CEP192: variants seen among roughly 807,000 people sequenced by gnomAD.
CEP192 encodes centrosomal protein of 192 kDa.
Under a neutral mutation model 271.8 loss-of-function variants are expected in CEP192, and 151 were observed. The observed-to-expected ratio is 0.56, with a 90% CI of 0.49 to 0.64. CEP192 has a LOEUF of 0.64. CEP192 is among the 30% of genes least tolerant of loss of function. The pLI is 0.00. For synonymous variants in CEP192, 995 were observed against 1,076.5 expected (o/e 0.92, Z 1.48); for missense variants, 2,910 against 3,020.5 (o/e 0.96, Z 0.86).
Position 13,082,545 on chromosome 18 carries a change from A to G in CEP192, c.5617-4472A>G, listed in dbSNP as rs1379900306. 2.0e-5 allele frequency among the ~76,000 whole-genome samples: 3 copies of G among 148,772 alleles called. No homozygotes were observed. The Admixed American group carries it at 2.0e-4, about 10-fold the overall frequency. On this transcript the variant is annotated intron_variant, in intron 30 of 44. Coordinates refer to ENST00000506447, the MANE Select transcript of CEP192 (RefSeq NM_032142.4). ...CACGTGAGATGGGTCTCCTGAATAG[A>G]GCACACTGATGGTTCTTGACTCTTT...
At chr18:13,045,120 A>G (rs560684179) in intron 15 of CEP192, among the ~76,000 whole-genome samples, 2 of 151,988 alleles carry the variant, frequency 1.3e-5, no homozygotes, top group Admixed American at 6.5e-5. Flanking sequence ...TCTATAATTG[A>G]CTGTTTTCCC....
intron 15 of CEP192, among the ~76,000 whole-genome samples, chr18:13,045,230 C>G (rs2036412012): frequency 6.6e-6 from 1 of 151,784 alleles, no homozygotes. Context: ...ATTTTCTGGT[C>G]TTCATTTCTT....
chr18:13,015,466 G>A lies in CEP192; in HGVS notation c.640+18G>A. 6.5e-7 allele frequency: 1 copy of A among 1,549,598 alleles called. No individual in the cohort carries two copies. Among genetic ancestry groups the A allele is most frequent in the Non-Finnish European group, 8.7e-7 (1 of 1,146,106 alleles). On this transcript the variant is annotated intron_variant, in intron 6 of 44. Transcript: ENST00000506447. Reference sequence around the variant, plus strand: ...TTCTTCTGGTACTGCAGAGTAACCTGTGTTTCCCTGGTCTTCACCTTGCCA... The same window carrying A: ...TTCTTCTGGTACTGCAGAGTAACCTATGTTTCCCTGGTCTTCACCTTGCCA...
intron 36 of CEP192, among the ~76,000 whole-genome samples, chr18:13,098,327 C>T (rs1376587267): frequency 2.6e-5 from 4 of 152,086 alleles, no homozygotes; most frequent in East Asian, 3.9e-4. Context: ...GGGCTGACCC[C>T]CACCTCCCTC....
intron 6 of CEP192, among the ~76,000 whole-genome samples, chr18:13,016,737 C>G (rs182284433): frequency 6.6e-6 from 1 of 152,234 alleles, no homozygotes; most frequent in East Asian, 1.9e-4. Context: ...GCTTGCTGAG[C>G]TGGGTGTTAC....
At chr18:13,087,504 C>A in intron 31 of CEP192, 27 bp from the exon 32 acceptor site, 1 of 1,149,920 alleles carries the variant, frequency 8.7e-7, no homozygotes, top group South Asian at 1.4e-5. Flanking sequence ...TTAATATTTA[C>A]TCCTGATTTT....
chr18:13,082,567 CTT>C (rs1428960280), intron 30 of CEP192, among the ~76,000 whole-genome samples: 2 of 150,074 alleles, frequency 1.3e-5, no homozygotes, highest in Admixed American at 6.7e-5. Context: ...GTTCTTGACT[CTT>C]TATCCAATTT....
intron 40 of CEP192, among the ~76,000 whole-genome samples, chr18:13,107,977 G>C (rs145300076): frequency 0.03 from 4,553 of 149,810 alleles, 90 homozygotes; most frequent in Middle Eastern, 0.096. Flanking sequence ...ACAGAATAGA[G>C]AACCCAGAAA....
chr18:12,998,264 C>T (rs1309267021), intron 1 of CEP192, among the ~76,000 whole-genome samples: 3 of 152,176 alleles, frequency 2.0e-5, no homozygotes, highest in Non-Finnish European at 2.9e-5. Context: ...CTTTCCAACA[C>T]ACCGTTTCAG....
Position 13,067,688 on chromosome 18 carries a change from G to T in CEP192, c.4489-143G>T, listed in dbSNP as rs978893202. 4.1e-5 allele frequency: 25 copies of T among 602,486 alleles called. 1 individual carries two copies. The highest frequency in any genetic ancestry group is 4.0e-4 in the African/African-American group (22 of 54,476). 37.3% of individuals were successfully genotyped at this position (602,486 alleles called of 1,614,324 possible). ...TTATTTTTGTAGAAAATAAGCAATT[G>T]TTAAATAGCCTGGGAAAATGTAGGT... On this transcript the variant is annotated intron_variant, in intron 21 of 44. Coordinates refer to ENST00000506447, the MANE Select transcript of CEP192 (RefSeq NM_032142.4).
chr18:13,116,493 T>A lies in CEP192; in HGVS notation c.7406T>A (p.Ile2469Asn). 5.6e-6 allele frequency: 9 copies of A among 1,604,036 alleles called. No homozygotes were observed. The highest frequency in any genetic ancestry group is 7.6e-6 in the Non-Finnish European group (9 of 1,176,836). ...LKVNLRNNSF[I>N]THSLKFLSPR... Reference sequence around the variant, plus strand: ...GTCAATCTGCGAAATAATTCTTTTATTACACACTCAGTAAGTTGGAAATAT... The same window carrying A: ...GTCAATCTGCGAAATAATTCTTTTAATACACACTCAGTAAGTTGGAAATAT... Residue 2469 changes from isoleucine (I) to asparagine (N), a missense_variant, in exon 43 of 45, where the codon ATT becomes AAT. Ile to Asn is a moderately radical substitution (Grantham distance 149). Coordinates refer to ENST00000506447, the MANE Select transcript of CEP192 (RefSeq NM_032142.4).
At chr18:13,011,918 A>G (rs2034382488) in intron 4 of CEP192, among the ~76,000 whole-genome samples, 1 of 152,252 alleles carries the variant, frequency 6.6e-6, no homozygotes, top group Non-Finnish European at 1.5e-5. Context: ...CAACTGATGA[A>G]TGGACAAAGA....
intron 6 of CEP192, 48 bp from the exon 7 acceptor site, chr18:13,017,140 A>T (rs2034696534): frequency 1.4e-6 from 2 of 1,413,270 alleles, no homozygotes; most frequent in Non-Finnish European, 1.9e-6. Context: ...ATTATTGCTT[A>T]GTCACTACTT....
rs1183301388 is a variant in CEP192, at chr18:13,102,174, C to CTGCT, written c.6872-1332_6872-1331insTTGC. On this transcript the variant is annotated intron_variant, in intron 38 of 44. Coordinates refer to ENST00000506447, the MANE Select transcript of CEP192 (RefSeq NM_032142.4). Reference sequence around the variant, plus strand: ...GGGCCCTTCTTTCCTCTGGGAGCTCCTGCCACCTCCCCTGCTCCTGCTGTC... The same window carrying CTGCT: ...GGGCCCTTCTTTCCTCTGGGAGCTCCTGCTTGCCACCTCCCCTGCTCCTGCTGTC... Among the ~76,000 whole-genome samples, 13 of 152,212 alleles carry CTGCT rather than the reference C, an allele frequency of 8.5e-5. No individual in the cohort carries two copies. In the East Asian group the frequency reaches 2.5e-3, roughly 29 times the overall value.
chr18:13,031,243 G>GTTTTTTT (rs60557979), intron 11 of CEP192, among the ~76,000 whole-genome samples: 6 of 101,654 alleles, frequency 5.9e-5, no homozygotes, highest in East Asian at 3.0e-4. Context: ...CCTTATTGTT[G>GTTTTTTT]TTTTTTTTTT....
chr18:13,009,017 T>G (rs1167264046), intron 4 of CEP192, among the ~76,000 whole-genome samples: 1 of 54,082 alleles, frequency 1.8e-5, no homozygotes, highest in East Asian at 2.9e-4. Flanking sequence ...CCTTTTTGTT[T>G]TTTTTTTTTT....
chr18:13,070,461 AC>A (rs2037951564), intron 27 of CEP192, among the ~76,000 whole-genome samples: 1 of 152,194 alleles, frequency 6.6e-6, no homozygotes, highest in South Asian at 2.1e-4. Flanking sequence ...CTATTAGTTG[AC>A]CTTGTCAGCT....
At chr18:13,111,997 G>T (rs985209851) in intron 40 of CEP192, among the ~76,000 whole-genome samples, 1 of 152,198 alleles carries the variant, frequency 6.6e-6, no homozygotes, top group Admixed American at 6.5e-5. Context: ...AGGATGTGGG[G>T]AAATTGGAAC....
At chr18:13,063,735 G>C (rs1451122267) in intron 21 of CEP192, among the ~76,000 whole-genome samples, 1 of 151,470 alleles carries the variant, frequency 6.6e-6, no homozygotes, top group Admixed American at 6.6e-5. Flanking sequence ...GATCCCATTT[G>C]TCCATGTTTG....
Sources: allele counts gnomAD v4.1 joint callset (sites outside exome capture counted in the v4.1 genomes callset), GRCh38; gene constraint gnomAD v4.1.1; transcripts MANE v1.5; gene names NCBI Gene and HGNC (gene_info 2026-07-23, HGNC 2026-07-21).